Variants in OR4N2 observed in about 807,000 individuals in gnomAD.
The protein encoded by OR4N2 is olfactory receptor 4N2.
For synonymous variants in OR4N2, 141 were observed against 140.4 expected (o/e 1.00, Z -0.03); for missense variants, 307 against 377.6 (o/e 0.81, Z 1.55).
chr14:19,812,396 C>G (rs1879322937), intron 1 of OR4N2, among the ~76,000 whole-genome samples: 1 of 139,926 alleles, frequency 7.1e-6, no homozygotes, highest in African/African-American at 2.6e-5. Context: ...GTGGCGCAAT[C>G]TCGGCTCACT....
intron 1 of OR4N2, among the ~76,000 whole-genome samples, chr14:19,826,445 T>A (rs1879702403): frequency 2.6e-5 from 4 of 152,260 alleles, no homozygotes; most frequent in Admixed American, 2.6e-4. Context: ...ATCCTACTAC[T>A]TATCAAGCAG....
intron 1 of OR4N2, among the ~76,000 whole-genome samples, chr14:19,808,192 C>T (rs1369210450): frequency 2.0e-5 from 3 of 152,302 alleles, no homozygotes; most frequent in East Asian, 3.9e-4. Context: ...GATGTACATT[C>T]TTACCACTCT....
chr14:19,808,754 T>G (rs1226679602), intron 1 of OR4N2, among the ~76,000 whole-genome samples: 1 of 151,842 alleles, frequency 6.6e-6, no homozygotes, highest in Non-Finnish European at 1.5e-5. Context: ...AAAGCCTGAA[T>G]AGTCAAAACA....
intron 1 of OR4N2, among the ~76,000 whole-genome samples, chr14:19,824,024 T>C (rs1162289973): frequency 6.6e-6 from 1 of 152,214 alleles, no homozygotes; most frequent in African/African-American, 2.4e-5. Context: ...TCCCTATTTC[T>C]GTAGTGTGTC....
intron 1 of OR4N2, among the ~76,000 whole-genome samples, chr14:19,812,374 TGGATCTCGACA>T (rs948385237): frequency 6.9e-6 from 1 of 145,964 alleles, no homozygotes; most frequent in African/African-American, 2.5e-5. Context: ...TCGCCCAGGC[TGGATCTCGACA>T]GTGGCGCAAT....
At chr14:19,808,445 G>T (rs1446933895) in intron 1 of OR4N2, among the ~76,000 whole-genome samples, 1 of 152,166 alleles carries the variant, frequency 6.6e-6, no homozygotes, top group African/African-American at 2.4e-5. Flanking sequence ...ATAATGTCCA[G>T]GCTGAGAGTG....
At position 19,805,146 on chromosome 14, in the gene OR4N2, C is replaced by T. The variant is rs188243141; in HGVS notation, c.-10+1302C>T. Among the ~76,000 whole-genome samples, 739 of 152,188 alleles carry T rather than the reference C, an allele frequency of 4.9e-3. 4 individuals carry two copies. Among genetic ancestry groups the T allele is most frequent in the African/African-American group, 0.015 (643 of 41,504 alleles). On this transcript the variant is annotated intron_variant, in intron 1 of 1. Transcript: ENST00000557677. ...TACAGTTGGGTCTTGCTTCTTTATC[C>T]GACTTGCCACTCTATGCCTTTTAAT...
At chr14:19,811,189 C>A (rs1432757410) in intron 1 of OR4N2, among the ~76,000 whole-genome samples, 1 of 152,252 alleles carries the variant, frequency 6.6e-6, no homozygotes, top group Non-Finnish European at 1.5e-5. Context: ...TTTTGCATTG[C>A]AAGGATTTTG....
chr14:19,817,561 T>C (rs1879457339), intron 1 of OR4N2, among the ~76,000 whole-genome samples: 1 of 152,230 alleles, frequency 6.6e-6, no homozygotes, highest in Non-Finnish European at 1.5e-5. Context: ...TTCTATTGTG[T>C]CTATTTGATT....
At chr14:19,803,991 A>T (rs1397313830) in intron 1 of OR4N2, 147 bp downstream of exon 1, 2 of 152,208 alleles carry the variant, frequency 1.3e-5, no homozygotes, top group African/African-American at 4.8e-5. Context: ...AGAGTTGTTC[A>T]TAGTAGTCTC....
chr14:19,819,435 T>G (rs1265186837), intron 1 of OR4N2, among the ~76,000 whole-genome samples: 2 of 152,274 alleles, frequency 1.3e-5, no homozygotes, highest in Non-Finnish European at 2.9e-5. Context: ...TTCATTAAGT[T>G]GATCTTCAAT....
intron 1 of OR4N2, among the ~76,000 whole-genome samples, chr14:19,808,624 A>C (rs531187060): frequency 6.6e-6 from 1 of 152,226 alleles, no homozygotes; most frequent in Non-Finnish European, 1.5e-5. Flanking sequence ...ACAAGAATCA[A>C]TGTTGTTAAA....
Position 19,809,759 on chromosome 14 carries a change from T to C in OR4N2, c.-10+5915T>C, listed in dbSNP as rs181447883. 4.7e-4 allele frequency among the ~76,000 whole-genome samples: 71 copies of C among 152,312 alleles called. No homozygotes were observed. In the East Asian group the frequency reaches 6.2e-3, roughly 13 times the overall value. ...AAAACAAGCAATAGGGAAAGGACTTTCTATTCAATAAATGGTGCTGGGATA... is the reference window on the plus strand; with the variant it reads ...AAAACAAGCAATAGGGAAAGGACTTCCTATTCAATAAATGGTGCTGGGATA... On this transcript the variant is annotated intron_variant, in intron 1 of 1. Coordinates refer to ENST00000557677, the MANE Select transcript of OR4N2 (RefSeq NM_001004723.3).
rs550506145 is a variant in OR4N2, at chr14:19,809,446, T to C, written c.-10+5602T>C. On this transcript the variant is annotated intron_variant, in intron 1 of 1. Transcript: ENST00000557677. ...AATGGGAGAAAATATTCACAAGCTA[T>C]GATTCCAAACAAAGGTCTAATATCC... 2.6e-5 allele frequency among the ~76,000 whole-genome samples: 4 copies of C among 152,284 alleles called. No homozygotes were observed. The East Asian group carries it at 7.7e-4, about 29-fold the overall frequency.
At chr14:19,810,811 G>A (rs1306310072) in intron 1 of OR4N2, among the ~76,000 whole-genome samples, 1 of 152,202 alleles carries the variant, frequency 6.6e-6, no homozygotes, top group Admixed American at 6.5e-5. Context: ...AATTTTAAAA[G>A]AGAAACACAC....
intron 1 of OR4N2, among the ~76,000 whole-genome samples, chr14:19,811,499 G>A (rs1203384102): frequency 1.3e-5 from 2 of 152,322 alleles, no homozygotes; most frequent in East Asian, 3.9e-4. Context: ...GCCCTCCTAG[G>A]CCCCCCAAAG....
At position 19,829,715 on chromosome 14, in the gene OR4N2, A is replaced by G. The variant is rs1879818950; in HGVS notation, c.*1343A>G. On this transcript the variant is annotated 3_prime_UTR_variant, in exon 2 of 2. Transcript: ENST00000557677. Reference sequence around the variant, plus strand: ...TTCAAATCTCAAATGAGTACATTAAATGGGCAGCATCCAAAACATCTGGAA... The same window carrying G: ...TTCAAATCTCAAATGAGTACATTAAGTGGGCAGCATCCAAAACATCTGGAA... 1 of 152,272 alleles carries G rather than the reference A, an allele frequency of 6.6e-6. No individual in the cohort carries two copies. The highest frequency in any genetic ancestry group is 6.5e-5 in the Admixed American group (1 of 15,288). 9.4% of individuals were successfully genotyped at this position (152,272 alleles called of 1,614,324 possible).
chr14:19,817,140 A>G (rs1780876), intron 1 of OR4N2, among the ~76,000 whole-genome samples: 46,102 of 143,714 alleles, frequency 0.32, 4,315 homozygotes, highest in Middle Eastern at 0.42. Flanking sequence ...AGGGATATTG[A>G]TCTGAAATTT....
intron 1 of OR4N2, among the ~76,000 whole-genome samples, chr14:19,815,372 C>T (rs1879398184): frequency 6.6e-6 from 1 of 152,198 alleles, no homozygotes. Flanking sequence ...TTCTAACTGG[C>T]ATGAGATGGT....
Sources: gnomAD v4.1 joint callset for allele counts (sites outside exome capture counted in the v4.1 genomes callset) on GRCh38, gnomAD v4.1.1 for gene constraint, MANE v1.5 for transcripts, NCBI Gene and HGNC (gene_info 2026-07-23, HGNC 2026-07-21) for gene names.